SLC2A13: variants seen among roughly 807,000 people sequenced by gnomAD.
The protein encoded by SLC2A13 is solute carrier family 2 member 13, also known as proton myo-inositol cotransporter.
In SLC2A13, 32 loss-of-function variants were observed where a neutral mutation model predicts 64.4. The observed-to-expected ratio is 0.50, with a 90% CI of 0.37 to 0.67. SLC2A13 has a LOEUF of 0.67. Ranked by LOEUF, SLC2A13 falls within the 30% of genes least tolerant of loss-of-function variation. The pLI, the probability that SLC2A13 is intolerant of heterozygous loss-of-function variation, is 0.00. For synonymous variants in SLC2A13, 338 were observed against 327.1 expected (o/e 1.03, Z -0.36); for missense variants, 743 against 829.2 (o/e 0.90, Z 1.28).
intron 3 of SLC2A13, among the ~76,000 whole-genome samples, chr12:39,968,920 G>C (rs1384579811): frequency 6.6e-6 from 1 of 151,622 alleles, no homozygotes; most frequent in African/African-American, 2.4e-5. Context: ...TTTACATTAG[G>C]TATATCTCCT....
At chr12:39,774,584 CT>C (rs11322999) in intron 7 of SLC2A13, among the ~76,000 whole-genome samples, 97,595 of 130,142 alleles carry the variant, frequency 0.75, 36,044 homozygotes, top group Non-Finnish European at 0.8. Context: ...ATTGTCCAGC[CT>C]TTTTTTTTTT....
chr12:39,832,661 C>A (rs1304912470), intron 6 of SLC2A13, among the ~76,000 whole-genome samples: 1 of 152,058 alleles, frequency 6.6e-6, no homozygotes, highest in African/African-American at 2.4e-5. Flanking sequence ...CCTCGTGAAG[C>A]TGATTTGGGT....
At position 39,758,114 on chromosome 12, in the gene SLC2A13, A is replaced by G. The variant is rs1318434060; in HGVS notation, c.*1912T>C. ...CTGCTTTTCTGAGGAAAAAATCAAT[A>G]CTAATATTCCCTTGGAAATCAATTG... On this transcript the variant is annotated 3_prime_UTR_variant, in exon 10 of 10. Transcript: ENST00000280871. 4 of 151,642 alleles carry G rather than the reference A, an allele frequency of 2.6e-5. No homozygotes were observed. The highest frequency in any genetic ancestry group is 5.9e-5 in the Non-Finnish European group (4 of 67,712). The allele number at this position is 151,642 out of a possible 1,614,324, so 9.4% of individuals were successfully genotyped here. A position where few individuals can be genotyped will look rare whatever the true frequency, so the allele number is the denominator to read the frequency against.
At chr12:39,877,153 T>C (rs1283042006) in intron 4 of SLC2A13, among the ~76,000 whole-genome samples, 1 of 152,170 alleles carries the variant, frequency 6.6e-6, no homozygotes, top group Non-Finnish European at 1.5e-5. Flanking sequence ...ATAACTCTAT[T>C]AGTCTGCTCT....
At chr12:39,853,536 TTTC>T (rs545224400) in intron 6 of SLC2A13, among the ~76,000 whole-genome samples, 1 of 151,826 alleles carries the variant, frequency 6.6e-6, no homozygotes, top group South Asian at 2.1e-4. Context: ...TTTTTTCTCC[TTTC>T]TTTTCTTTTC....
At chr12:39,971,695 C>T (rs956767963) in intron 3 of SLC2A13, among the ~76,000 whole-genome samples, 9 of 152,146 alleles carry the variant, frequency 5.9e-5, no homozygotes, top group African/African-American at 9.6e-5. Flanking sequence ...AAAAATGTGG[C>T]TGGGAACAGT....
intron 3 of SLC2A13, among the ~76,000 whole-genome samples, chr12:39,973,450 AG>A (rs1946703563): frequency 6.6e-6 from 1 of 152,168 alleles, no homozygotes; most frequent in Non-Finnish European, 1.5e-5. Flanking sequence ...CTCCCCATAG[AG>A]GGGTTCCTCA....
chr12:39,903,939 GAAC>G (rs1945202631), intron 4 of SLC2A13, among the ~76,000 whole-genome samples: 2 of 152,122 alleles, frequency 1.3e-5, no homozygotes, highest in South Asian at 4.1e-4. Flanking sequence ...TTGGACTAAA[GAAC>G]AACAGACAGG....
intron 7 of SLC2A13, among the ~76,000 whole-genome samples, chr12:39,824,515 C>G (rs1566832529): frequency 6.6e-6 from 1 of 152,160 alleles, no homozygotes; most frequent in Non-Finnish European, 1.5e-5. Context: ...GTTACCAGGT[C>G]TTTCATTCAT....
chr12:39,823,688 A>G (rs992256294), intron 7 of SLC2A13, among the ~76,000 whole-genome samples: 9 of 152,116 alleles, frequency 5.9e-5, no homozygotes, highest in African/African-American at 2.2e-4. Context: ...GGCTCAAGTG[A>G]TCCTCCTGCT....
chr12:39,914,086 C>G (rs1281794039), intron 4 of SLC2A13, among the ~76,000 whole-genome samples: 1 of 151,882 alleles, frequency 6.6e-6, no homozygotes, highest in Non-Finnish European at 1.5e-5. Context: ...GAACTCACAG[C>G]TAAATAAAGT....
chr12:39,906,954 T>C (rs1158880036), intron 4 of SLC2A13, among the ~76,000 whole-genome samples: 1 of 152,180 alleles, frequency 6.6e-6, no homozygotes. Flanking sequence ...TTTTTATAAA[T>C]AGAAAAATCA....
intron 4 of SLC2A13, among the ~76,000 whole-genome samples, chr12:39,949,150 G>A (rs959418288): frequency 1.3e-5 from 2 of 152,086 alleles, no homozygotes; most frequent in African/African-American, 4.8e-5. Flanking sequence ...CTTATAATAT[G>A]AATGTCTGAA....
intron 2 of SLC2A13, among the ~76,000 whole-genome samples, chr12:40,045,659 T>C (rs1230533824): frequency 6.6e-6 from 1 of 152,060 alleles, no homozygotes; most frequent in African/African-American, 2.4e-5. Context: ...AACAATCTGG[T>C]TGTTAATACT....
intron 1 of SLC2A13, among the ~76,000 whole-genome samples, chr12:40,076,200 G>A (rs1025214958): frequency 6.6e-6 from 1 of 152,154 alleles, no homozygotes; most frequent in African/African-American, 2.4e-5. Flanking sequence ...GTGCAGGTTT[G>A]TTACATGGGT....
intron 7 of SLC2A13, chr12:39,829,389 A>ACTT (rs1942785970): frequency 1.5e-5 from 1 of 65,780 alleles, no homozygotes; most frequent in Non-Finnish European, 2.8e-5. Flanking sequence ...TGTGATAGTA[A>ACTT]TTCTTTTTTT....
At chr12:39,773,082 TAGA>T (rs1940643095) in intron 7 of SLC2A13, among the ~76,000 whole-genome samples, 1 of 152,198 alleles carries the variant, frequency 6.6e-6, no homozygotes, top group Non-Finnish European at 1.5e-5. Flanking sequence ...CAACTGCTGG[TAGA>T]AGAACATAAT....
chr12:39,947,314 A>T (rs993035415), intron 4 of SLC2A13, among the ~76,000 whole-genome samples: 1 of 152,224 alleles, frequency 6.6e-6, no homozygotes, highest in African/African-American at 2.4e-5. Context: ...ACCTTAAAAG[A>T]GAGTCATTTA....
intron 4 of SLC2A13, among the ~76,000 whole-genome samples, chr12:39,903,656 G>C (rs1329237342): frequency 6.6e-6 from 1 of 151,970 alleles, no homozygotes; most frequent in East Asian, 1.9e-4. Context: ...GGCTTCTACA[G>C]GCATCTTCTG....
Sources: allele counts gnomAD v4.1 joint callset (sites outside exome capture counted in the v4.1 genomes callset), GRCh38; gene constraint gnomAD v4.1.1; transcripts MANE v1.5; gene names NCBI Gene and HGNC (gene_info 2026-07-23, HGNC 2026-07-21).